NWD2: variants seen among roughly 807,000 people sequenced by gnomAD.
The protein encoded by NWD2 is NACHT and WD repeat domain-containing protein 2.
NWD2 carries 37 observed loss-of-function variants against 132.7 expected under a neutral mutation model. The ratio of observed to expected loss-of-function variants is 0.28; its 90% CI spans 0.21 to 0.37. The LOEUF (loss-of-function observed/expected upper bound fraction) is 0.37. Among genes scored for constraint, NWD2 ranks in the 10% least tolerant of loss-of-function variants. The probability of loss-of-function intolerance (pLI) is 1.00; values close to 1 mark genes in which losing one functional copy is unlikely to be tolerated. For synonymous variants in NWD2, 705 were observed against 803.0 expected, an observed-to-expected ratio of 0.88 and a Z score of 2.06; for missense variants, 1,592 against 2,122.4, an observed-to-expected ratio of 0.75 and a Z score of 4.91.
chr4:37,332,872 G>A (rs1215054253), intron 2 of NWD2, among the ~76,000 whole-genome samples: 1 of 152,176 alleles, frequency 6.6e-6, no homozygotes, highest in Non-Finnish European at 1.5e-5. Flanking sequence ...CCTGAAGGGA[G>A]AGTCTCAGAC....
At chr4:37,385,977 G>C (rs1207759830) in intron 3 of NWD2, among the ~76,000 whole-genome samples, 1 of 152,096 alleles carries the variant, frequency 6.6e-6, no homozygotes, top group African/African-American at 2.4e-5. Context: ...ACTTAATTTG[G>C]AGATTAAAGT....
At chr4:37,267,984 T>C (rs543853422) in intron 1 of NWD2, among the ~76,000 whole-genome samples, 1 of 152,090 alleles carries the variant, frequency 6.6e-6, no homozygotes, top group African/African-American at 2.4e-5. Context: ...GGTATTACTC[T>C]TCCCTGCTCC....
chr4:37,356,191 C>T lies in NWD2; in HGVS notation c.241-175C>T, dbSNP rs921608645. Among the ~76,000 whole-genome samples, 21 of 152,284 alleles carry T rather than the reference C, an allele frequency of 1.4e-4. No individual in the cohort carries two copies. The South Asian group carries it at 4.1e-3, about 30-fold the overall frequency. On this transcript the variant is annotated intron_variant, in intron 2 of 6. Transcript: ENST00000309447. ...AAACAAAAGAAGAAATTATAAGGTT[C>T]ATTCCCAACCCATCATGGAATGAAA...
intron 2 of NWD2, among the ~76,000 whole-genome samples, chr4:37,337,162 C>T (rs1311357342): frequency 6.6e-6 from 1 of 152,120 alleles, no homozygotes; most frequent in Admixed American, 6.6e-5. Flanking sequence ...GATGCATTTG[C>T]CTGCTGTATT....
Position 37,417,887 on chromosome 4 carries a change from G to T in NWD2, c.358-12685G>T, listed in dbSNP as rs371938309. Among the ~76,000 whole-genome samples the T allele has an allele frequency of 3.1e-3, 478 of 152,164 alleles. 2 individuals carry two copies. Among genetic ancestry groups the T allele is most frequent in the South Asian group, 0.016 (75 of 4,822 alleles). The stretch of plus-strand genomic sequence containing the variant: ...TCATGCTTAACTTAATATAGATTAA[G>T]ATTAATAATTTAATATACAGTAGAG... On this transcript the variant is annotated intron_variant, in intron 3 of 6. Transcript: ENST00000309447.
chr4:37,278,880 C>T (rs532672759), intron 1 of NWD2, among the ~76,000 whole-genome samples: 1 of 152,288 alleles, frequency 6.6e-6, no homozygotes, highest in South Asian at 2.1e-4. Flanking sequence ...GAAGGGTACA[C>T]AGTTTTGCCA....
In NWD2 at chr4:37,446,119, C is replaced by T; in HGVS notation, c.4131C>T (p.Asp1377=). 6.4e-7 allele frequency: 1 copy of T among 1,551,642 alleles called. No homozygotes were observed. Among genetic ancestry groups the T allele is most frequent in the Non-Finnish European group, 8.7e-7 (1 of 1,146,910 alleles). The change falls in exon 7 of 7, where the codon GAC becomes GAT. Residue 1377 remains aspartate, a synonymous_variant. Coordinates refer to ENST00000309447, the MANE Select transcript of NWD2 (RefSeq NM_001144990.2). This position sits in a 1 kb window ranked among gnomAD's most constrained non-coding sequence, Gnocchi z 6.7. ...GAGATATAATGGTGACATCAGATGA[C>T]AAAAGCAGCCAGTATGTCTGGCACA... is the stretch of plus-strand genomic sequence containing the variant. ...STGDIMVTSD[D]KSSQYVWHTS... is the part of the protein sequence containing the mutation.
intron 1 of NWD2, among the ~76,000 whole-genome samples, chr4:37,301,223 T>C (rs559591498): frequency 6.6e-6 from 1 of 152,272 alleles, no homozygotes; most frequent in African/African-American, 2.4e-5. Context: ...TCTGTATTTT[T>C]TCTCTGGCTG....
Position 37,445,058 on chromosome 4 carries a change from C to T in NWD2, c.3070C>T (p.Leu1024Phe). 2.6e-6 allele frequency: 4 copies of T among 1,551,764 alleles called. No individual in the cohort carries two copies. The highest frequency in any genetic ancestry group is 1.2e-5 in the South Asian group (1 of 84,060). ...GMKLTSDEKY[L>F]VVATTNNTLL... Reference sequence around the variant, plus strand: ...GAAACTCACCAGTGATGAAAAGTACCTTGTGGTGGCTACAACAAATAACAC... The same window carrying T: ...GAAACTCACCAGTGATGAAAAGTACTTTGTGGTGGCTACAACAAATAACAC... Residue 1024 changes from leucine to phenylalanine, a missense_variant, in exon 7 of 7, where the codon CTT becomes TTT. Coordinates refer to ENST00000309447, the MANE Select transcript of NWD2 (RefSeq NM_001144990.2). This position sits in a 1 kb window ranked among gnomAD's most constrained non-coding sequence, Gnocchi z 4.7.
chr4:37,277,037 T>C (rs1718032859), intron 1 of NWD2, among the ~76,000 whole-genome samples: 1 of 151,862 alleles, frequency 6.6e-6, no homozygotes, highest in South Asian at 2.1e-4. Flanking sequence ...TAGTGTTGAA[T>C]GACGAGTTAA....
intron 3 of NWD2, among the ~76,000 whole-genome samples, chr4:37,429,650 C>T (rs1025455748): frequency 1.3e-5 from 2 of 152,160 alleles, no homozygotes; most frequent in African/African-American, 2.4e-5. Flanking sequence ...TTATAACTTA[C>T]CCTTTTCACT....
At chr4:37,367,003 A>G (rs564317389) in intron 3 of NWD2, among the ~76,000 whole-genome samples, 2 of 152,312 alleles carry the variant, frequency 1.3e-5, no homozygotes, top group Admixed American at 6.5e-5. Flanking sequence ...AGAATGCCAC[A>G]TTCAATAACT....
intron 3 of NWD2, among the ~76,000 whole-genome samples, chr4:37,377,672 G>A (rs191046772): frequency 0.014 from 2,142 of 152,128 alleles, 50 homozygotes; most frequent in African/African-American, 0.049. Context: ...CGGAGGTTGC[G>A]GTGAGCCGAG....
chr4:37,429,999 T>A (rs1712125616), intron 3 of NWD2, among the ~76,000 whole-genome samples: 1 of 152,232 alleles, frequency 6.6e-6, no homozygotes, highest in African/African-American at 2.4e-5. Flanking sequence ...TTGTTCATTG[T>A]TTTTCTGTGA....
At chr4:37,294,120 G>A (rs1302801476) in intron 1 of NWD2, among the ~76,000 whole-genome samples, 2 of 152,098 alleles carry the variant, frequency 1.3e-5, no homozygotes, top group Non-Finnish European at 2.9e-5. Context: ...AATATAATGG[G>A]AGGGAACCAC....
At chr4:37,269,037 G>A (rs1410283738) in intron 1 of NWD2, among the ~76,000 whole-genome samples, 2 of 151,840 alleles carry the variant, frequency 1.3e-5, no homozygotes, top group Non-Finnish European at 2.9e-5. Context: ...CCACAGCAGT[G>A]ATTTTTAAGC....
intron 4 of NWD2, among the ~76,000 whole-genome samples, chr4:37,432,631 T>A (rs1353811847): frequency 6.6e-6 from 1 of 152,166 alleles, no homozygotes; most frequent in Admixed American, 6.6e-5. Context: ...TGGGAGGAAG[T>A]CCTTTGTAAA....
chr4:37,395,118 T>G (rs952831690), intron 3 of NWD2, among the ~76,000 whole-genome samples: 3 of 151,952 alleles, frequency 2.0e-5, no homozygotes, highest in Non-Finnish European at 4.4e-5. Flanking sequence ...TTATGTTAAT[T>G]CTTAACTGAG....
intron 3 of NWD2, among the ~76,000 whole-genome samples, chr4:37,418,610 T>C (rs1711701613): frequency 7.4e-6 from 1 of 135,596 alleles, no homozygotes; most frequent in Non-Finnish European, 1.6e-5. Flanking sequence ...AAATGGCACT[T>C]AAATTCTGTG....
Sources: gnomAD v4.1 joint callset for allele counts (sites outside exome capture counted in the v4.1 genomes callset) on GRCh38, gnomAD v4.1.1 for gene constraint, Gnocchi (gnomAD v3.1) non-coding constraint, MANE v1.5 for transcripts, NCBI Gene and HGNC (gene_info 2026-07-23, HGNC 2026-07-21) for gene names.